Variants in YWHAE observed in about 807,000 individuals in gnomAD.
YWHAE encodes the protein 14-3-3 protein epsilon.
In YWHAE, 4 loss-of-function variants were observed where a neutral mutation model predicts 30.1. The observed-to-expected ratio is 0.13, with a 90% CI of 0.07 to 0.30. The LOEUF is 0.30. Ranked by LOEUF, YWHAE falls within the 10% of genes least tolerant of loss-of-function variation. The probability of loss-of-function intolerance (pLI) is 1.00; values close to 1 mark genes in which losing one functional copy is unlikely to be tolerated. For synonymous variants in YWHAE, 118 were observed against 111.8 expected (o/e 1.06, Z -0.35); for missense variants, 121 against 315.9 (o/e 0.38, Z 4.68).
chr17:1,397,891 T>C (rs1885948570), intron 1 of YWHAE, among the ~76,000 whole-genome samples: 1 of 152,174 alleles, frequency 6.6e-6, no homozygotes, highest in South Asian at 2.1e-4. Flanking sequence ...CTTTAGATCC[T>C]GAAGGGGACA....
intron 1 of YWHAE, among the ~76,000 whole-genome samples, chr17:1,389,015 G>C (rs1404469784): frequency 6.6e-6 from 1 of 152,048 alleles, no homozygotes; most frequent in East Asian, 1.9e-4. Flanking sequence ...ACCCAGGTGG[G>C]AGTGCAGTGG....
intron 1 of YWHAE, among the ~76,000 whole-genome samples, chr17:1,397,223 T>G (rs1008671982): frequency 8.5e-5 from 13 of 152,202 alleles, no homozygotes; most frequent in African/African-American, 3.1e-4. Flanking sequence ...TCTTGTACTA[T>G]TTCATATACG....
chr17:1,363,304 A>T (rs1418384457), intron 2 of YWHAE, among the ~76,000 whole-genome samples: 2 of 151,962 alleles, frequency 1.3e-5, no homozygotes, highest in Admixed American at 6.6e-5. Context: ...TCTTGTTGCC[A>T]AGGCTGGATG....
At chr17:1,387,924 CTT>C (rs35930155) in intron 1 of YWHAE, among the ~76,000 whole-genome samples, 120 of 75,706 alleles carry the variant, frequency 1.6e-3, no homozygotes, top group African/African-American at 6.5e-3. Context: ...CTGCACCTGG[CTT>C]TTTTTTTTTT....
At position 1,370,164 on chromosome 17, in the gene YWHAE, G is replaced by C. The variant is rs892045481; in HGVS notation, c.65-5106C>G. Among the ~76,000 whole-genome samples, 7 of 114,498 alleles carry C rather than the reference G, an allele frequency of 6.1e-5. No homozygotes were observed. The East Asian group carries it at 2.0e-3, about 33-fold the overall frequency. 75.1% of individuals were successfully genotyped at this position (114,498 alleles called of 152,430 possible). A position where few individuals can be genotyped will look rare whatever the true frequency, so the allele number is the denominator to read the frequency against. The stretch of plus-strand genomic sequence containing the variant: ...TTTTTTTGAGACGGAGTCTCGCTCT[G>C]TCACCAGGCTGGAGTGCCTGGGCGT... On this transcript the variant is annotated intron_variant, in intron 1 of 5. Transcript: ENST00000264335.
chr17:1,377,063 G>A (rs568399378), intron 1 of YWHAE, among the ~76,000 whole-genome samples: 5 of 151,826 alleles, frequency 3.3e-5, no homozygotes, highest in Admixed American at 6.6e-5. Context: ...ACAGGTGCCC[G>A]CCAACGTGCA....
chr17:1,374,264 C>A (rs2150862611), intron 1 of YWHAE, among the ~76,000 whole-genome samples: 1 of 151,418 alleles, frequency 6.6e-6, no homozygotes, highest in Middle Eastern at 3.4e-3. Context: ...GTTGCAGTGA[C>A]CCGAGATCGT....
intron 5 of YWHAE, among the ~76,000 whole-genome samples, chr17:1,349,187 G>T (rs898240440): frequency 2.0e-5 from 3 of 150,894 alleles, no homozygotes; most frequent in African/African-American, 7.3e-5. Context: ...CTGAAAATAC[G>T]AATTATTGCC....
chr17:1,355,751 G>A (rs930799767), intron 4 of YWHAE, among the ~76,000 whole-genome samples: 2 of 152,108 alleles, frequency 1.3e-5, no homozygotes, highest in Non-Finnish European at 2.9e-5. Context: ...TTACAAGGAG[G>A]AGGCTGGCTG....
rs34295955 is a variant in YWHAE, at chr17:1,364,229, C to CT, written c.264+629dup. Among the ~76,000 whole-genome samples the CT allele has an allele frequency of 7.2e-4, 103 of 142,882 alleles. 2 individuals carry two copies. The highest frequency in any genetic ancestry group is 5.1e-3 in the East Asian group (25 of 4,936). The allele number at this position is 142,882 out of a possible 152,430, so 93.7% of individuals were successfully genotyped here. A position where few individuals can be genotyped will look rare whatever the true frequency, so the allele number is the denominator to read the frequency against. ...AACCCAATATATTGGTTTTTGGGTGCTTTTTTTTTTTTTTAGATGGAGTCT... is the reference window on the plus strand; with the variant it reads ...AACCCAATATATTGGTTTTTGGGTGCTTTTTTTTTTTTTTTAGATGGAGTCT... On this transcript the variant is annotated intron_variant, in intron 2 of 5. Coordinates refer to ENST00000264335, the MANE Select transcript of YWHAE (RefSeq NM_006761.5).
chr17:1,358,785 G>A (rs1054040967), intron 4 of YWHAE, among the ~76,000 whole-genome samples: 4 of 137,274 alleles, frequency 2.9e-5, no homozygotes, highest in Non-Finnish European at 6.1e-5. Flanking sequence ...AGCTGCGATC[G>A]CACCACTGTA....
intron 1 of YWHAE, among the ~76,000 whole-genome samples, chr17:1,387,581 A>G (rs1339106938): frequency 1.3e-5 from 2 of 151,112 alleles, no homozygotes; most frequent in African/African-American, 4.9e-5. Context: ...GAAGTTTGAC[A>G]TGTTTTCTCA....
chr17:1,380,456 T>C (rs1452116148), intron 1 of YWHAE, among the ~76,000 whole-genome samples: 3 of 152,180 alleles, frequency 2.0e-5, no homozygotes, highest in African/African-American at 7.2e-5. Flanking sequence ...GTATGCCACA[T>C]AATCTCTAGG....
chr17:1,345,557 C>T, intron 5 of YWHAE, 58 bp from the exon 6 acceptor site: 3 of 1,564,742 alleles, frequency 1.9e-6, no homozygotes, highest in Non-Finnish European at 2.6e-6. Flanking sequence ...GCTATGGCAG[C>T]CACAAACAAA....
intron 4 of YWHAE, among the ~76,000 whole-genome samples, chr17:1,355,806 G>A (rs778011782): frequency 7.2e-5 from 11 of 152,108 alleles, no homozygotes; most frequent in Non-Finnish European, 1.2e-4. Flanking sequence ...TGGCTGATGC[G>A]TGCGCGCAGA....
At chr17:1,367,283 T>C (rs1455476140) in intron 1 of YWHAE, among the ~76,000 whole-genome samples, 1 of 152,190 alleles carries the variant, frequency 6.6e-6, no homozygotes, top group East Asian at 1.9e-4. Context: ...TGTTCACATA[T>C]GTAAGATGGG....
intron 1 of YWHAE, among the ~76,000 whole-genome samples, chr17:1,396,182 G>T (rs2073468725): frequency 6.6e-6 from 1 of 151,894 alleles, no homozygotes; most frequent in Admixed American, 6.6e-5. Flanking sequence ...CACTTTGGGA[G>T]ACTGAGGTGG....
At chr17:1,346,990 CAA>C (rs71148471) in intron 5 of YWHAE, among the ~76,000 whole-genome samples, 11 of 74,146 alleles carry the variant, frequency 1.5e-4, no homozygotes, top group East Asian at 4.2e-4. Flanking sequence ...GACTCCGTCT[CAA>C]AAAAAAAAAA....
chr17:1,366,921 G>A (rs1414128103), intron 1 of YWHAE, among the ~76,000 whole-genome samples: 8 of 151,936 alleles, frequency 5.3e-5, no homozygotes, highest in African/African-American at 9.7e-5. Context: ...CAGCCTGGGT[G>A]ACAGAGTGAG....
Sources: allele counts gnomAD v4.1 joint callset (sites outside exome capture counted in the v4.1 genomes callset), GRCh38; gene constraint gnomAD v4.1.1; transcripts MANE v1.5; gene names NCBI Gene and HGNC (gene_info 2026-07-23, HGNC 2026-07-21).